The following CABLES1 variants were observed in gnomAD, a reference collection of about 807,000 sequenced individuals.
CABLES1 encodes the protein CDK5 and ABL1 enzyme substrate 1.
In CABLES1, 36 loss-of-function variants were observed where a neutral mutation model predicts 57.8. The observed-to-expected ratio is 0.62, with a 90% CI of 0.48 to 0.82. The LOEUF (loss-of-function observed/expected upper bound fraction) is 0.82. CABLES1 is among the 40% of genes least tolerant of loss of function. The pLI is 0.00. For synonymous variants in CABLES1, 374 were observed against 363.0 expected, an observed-to-expected ratio of 1.03 and a Z score of -0.35; for missense variants, 767 against 836.6, an observed-to-expected ratio of 0.92 and a Z score of 1.03.
intron 1 of CABLES1, chr18:23,156,085 C>A: frequency 9.8e-7 from 1 of 1,024,702 alleles, no homozygotes; most frequent in South Asian, 1.4e-5. Flanking sequence ...GATGTCAGTC[C>A]TGATGTGGGC....
intron 1 of CABLES1, among the ~76,000 whole-genome samples, chr18:23,143,119 T>G (rs1231943747): frequency 6.6e-6 from 1 of 152,164 alleles, no homozygotes; most frequent in Non-Finnish European, 1.5e-5. Context: ...TTGACCTAAA[T>G]GGCCTCAAGG....
chr18:23,240,497 G>C (rs1362219570), intron 7 of CABLES1, among the ~76,000 whole-genome samples: 1 of 152,264 alleles, frequency 6.6e-6, no homozygotes, highest in Non-Finnish European at 1.5e-5. Flanking sequence ...CTTTGAGCCA[G>C]GTTGTGGAAT....
At chr18:23,180,739 A>G (rs2047159363) in intron 1 of CABLES1, among the ~76,000 whole-genome samples, 1 of 152,184 alleles carries the variant, frequency 6.6e-6, no homozygotes, top group South Asian at 2.1e-4. Context: ...GTAGGCTTCC[A>G]TAGTCAAACA....
chr18:23,185,151 C>G (rs890225325), intron 1 of CABLES1, among the ~76,000 whole-genome samples: 4 of 152,102 alleles, frequency 2.6e-5, no homozygotes, highest in Non-Finnish European at 5.9e-5. Context: ...TCCAAATGAG[C>G]CTTTCTCGTT....
intron 4 of CABLES1, among the ~76,000 whole-genome samples, chr18:23,227,992 G>A (rs2047540441): frequency 6.6e-6 from 1 of 152,200 alleles, no homozygotes; most frequent in African/African-American, 2.4e-5. Context: ...GAGAAAGGAT[G>A]GTGGAGAGAA....
Position 23,253,828 on chromosome 18 carries a change from G to C in CABLES1, c.1653G>C (p.Lys551Asn), listed in dbSNP as rs1290579070. 1 of 1,614,110 alleles carries C rather than the reference G, an allele frequency of 6.2e-7. No homozygotes were observed. The highest frequency in any genetic ancestry group is 2.2e-5 in the East Asian group (1 of 44,894). ...TCTACTTTGAAAAGCTCGCCCTCAA[G>C]GGGAAACTCAACAAACAGAACCGGA... Reference protein sequence around the residue: ...AFVYFEKLALKGKLNKQNRKL... With the variant: ...AFVYFEKLALNGKLNKQNRKL... The change falls in exon 9 of 10, where the codon AAG becomes AAC. Residue 551 changes from lysine (K) to asparagine (N), a missense_variant. Physicochemically the swap from Lys to Asn is moderately conservative, Grantham distance 94. Coordinates refer to ENST00000256925, the MANE Select transcript of CABLES1 (RefSeq NM_001100619.3).
Position 23,137,184 on chromosome 18 carries a change from G to T in CABLES1, c.845+577G>T, listed in dbSNP as rs78541537. ...TACATTGCCTCCAACTAGGCCTAGG[G>T]GGGTGGGGAACAAAGAGGAAATAGG... On this transcript the variant is annotated intron_variant, in intron 1 of 9. Coordinates refer to ENST00000256925, the MANE Select transcript of CABLES1 (RefSeq NM_001100619.3). Among the ~76,000 whole-genome samples the T allele has an allele frequency of 2.6e-3, 393 of 152,352 alleles. 1 individual carries two copies. The highest frequency in any genetic ancestry group is 8.9e-3 in the African/African-American group (369 of 41,584).
intron 2 of CABLES1, chr18:23,190,273 C>T (rs2047232430): frequency 6.6e-6 from 1 of 152,198 alleles, no homozygotes; most frequent in Non-Finnish European, 1.5e-5. Context: ...ACATCGCGAT[C>T]TGACTGAGGT....
chr18:23,222,533 TCTC>T (rs1598838244), intron 4 of CABLES1, among the ~76,000 whole-genome samples: 1 of 133,486 alleles, frequency 7.5e-6, no homozygotes, highest in South Asian at 2.4e-4. Flanking sequence ...TCTCTCTCTG[TCTC>T]TCTCTCTATA....
At chr18:23,182,424 A>T (rs1311964393) in intron 1 of CABLES1, among the ~76,000 whole-genome samples, 1 of 152,180 alleles carries the variant, frequency 6.6e-6, no homozygotes, top group Non-Finnish European at 1.5e-5. Context: ...ATGTTAGGAG[A>T]AGGTTCTCAC....
intron 3 of CABLES1, chr18:23,196,773 C>A (rs1214355245): frequency 6.6e-6 from 1 of 152,314 alleles, no homozygotes; most frequent in African/African-American, 2.4e-5. Context: ...GGCACCTGCA[C>A]GTTCCCCAAG....
intron 3 of CABLES1, among the ~76,000 whole-genome samples, chr18:23,211,686 A>C (rs2047405878): frequency 1.3e-5 from 2 of 152,230 alleles, no homozygotes; most frequent in African/African-American, 4.8e-5. Context: ...TAAAGAGCTC[A>C]AGTTCCAATC....
intron 9 of CABLES1, 36 bp downstream of exon 9, chr18:23,253,972 A>G (rs2048103212): frequency 1.3e-6 from 2 of 1,566,412 alleles, no homozygotes; most frequent in Non-Finnish European, 1.8e-6. Context: ...GGAGGAGCAC[A>G]TGCTCCGGTC....
In CABLES1 at chr18:23,257,343, C is replaced by T. The variant is rs769629666; in HGVS notation, c.1878C>T (p.Tyr626=). The T allele has an allele frequency of 6.2e-7, 1 of 1,611,332 alleles. No individual in the cohort carries two copies. Among genetic ancestry groups the T allele is most frequent in the Non-Finnish European group, 8.5e-7 (1 of 1,179,360 alleles). Residue 626 remains tyrosine (Y), a synonymous_variant, in exon 10 of 10, where the codon TAC becomes TAT. Coordinates refer to ENST00000256925, the MANE Select transcript of CABLES1 (RefSeq NM_001100619.3). ...HLPEHEVMPH[Y]RRLVQSS is the part of the protein sequence containing the mutation. ...CCGAGCACGAAGTCATGCCCCACTA[C>T]AGACGGCTGGTCCAGAGTTCCTAGC...
At chr18:23,143,041 T>A (rs1354921591) in intron 1 of CABLES1, among the ~76,000 whole-genome samples, 1 of 152,202 alleles carries the variant, frequency 6.6e-6, no homozygotes, top group Non-Finnish European at 1.5e-5. Context: ...CTCCCTCTGC[T>A]GTGCTACAAT....
intron 4 of CABLES1, among the ~76,000 whole-genome samples, chr18:23,215,647 C>T (rs1010942960): frequency 6.6e-6 from 1 of 152,096 alleles, no homozygotes; most frequent in Non-Finnish European, 1.5e-5. Flanking sequence ...ACCAGGTGCC[C>T]GGGACAAAGG....
chr18:23,155,660 A>G (rs985670294), intron 1 of CABLES1, among the ~76,000 whole-genome samples: 1 of 152,176 alleles, frequency 6.6e-6, no homozygotes. Flanking sequence ...TCAGGGAGAA[A>G]CACAAGGGTA....
intron 3 of CABLES1, among the ~76,000 whole-genome samples, chr18:23,199,818 AG>A (rs2047310235): frequency 6.6e-6 from 1 of 152,256 alleles, no homozygotes; most frequent in Non-Finnish European, 1.5e-5. Context: ...CACACTGATT[AG>A]ATGGCATTTT....
chr18:23,204,004 C>T (rs1476574721), intron 3 of CABLES1, among the ~76,000 whole-genome samples: 1 of 152,164 alleles, frequency 6.6e-6, no homozygotes. Flanking sequence ...TCTAGGAGGA[C>T]AGGGAGTGGA....
Sources: allele counts gnomAD v4.1 joint callset (sites outside exome capture counted in the v4.1 genomes callset), GRCh38; gene constraint gnomAD v4.1.1; transcripts MANE v1.5; gene names NCBI Gene and HGNC (gene_info 2026-07-23, HGNC 2026-07-21).